The following ENTREP2 variants were observed in gnomAD, a reference collection of about 807,000 sequenced individuals.
ENTREP2 encodes endosomal transmembrane epsin interactor 2, also known as protein ENTREP2.
chr15:29,199,714 C>T, the ENTREP2 span, among the ~76,000 whole-genome samples: 2 of 152,108 alleles, frequency 1.3e-5, no homozygotes, highest in Admixed American at 6.5e-5. Context: ...TCAAAAGGAT[C>T]ATTCATTGAG....
At chr15:29,170,965 G>A in the ENTREP2 span, among the ~76,000 whole-genome samples, 1 of 152,220 alleles carries the variant, frequency 6.6e-6, no homozygotes, top group East Asian at 1.9e-4. Context: ...CATGGGGCCA[G>A]CATCTGGTGG....
the ENTREP2 span, among the ~76,000 whole-genome samples, chr15:29,552,688 AATT>A: frequency 6.6e-6 from 1 of 152,134 alleles, no homozygotes; most frequent in East Asian, 1.9e-4. Context: ...AGATGAGAGA[AATT>A]ATTATTATTA....
At chr15:29,378,042 T>G in the ENTREP2 span, among the ~76,000 whole-genome samples, 1 of 151,560 alleles carries the variant, frequency 6.6e-6, no homozygotes, top group Non-Finnish European at 1.5e-5. Flanking sequence ...TGATACCTAA[T>G]TAGAGAAGAA....
the ENTREP2 span, chr15:29,570,872 G>T: frequency 5.8e-6 from 1 of 171,140 alleles, no homozygotes; most frequent in Non-Finnish European, 1.1e-5. Flanking sequence ...CGCGCCGGGA[G>T]CGGGCCGGGC....
At chr15:29,454,507 C>A in the ENTREP2 span, among the ~76,000 whole-genome samples, 3 of 152,366 alleles carry the variant, frequency 2.0e-5, 1 homozygote, top group South Asian at 6.2e-4. Context: ...AGCTCCCCCA[C>A]TCACTATCTC....
At chr15:29,269,519 G>T in the ENTREP2 span, 21 of 1,576,806 alleles carry the variant, frequency 1.3e-5, no homozygotes, top group Non-Finnish European at 1.7e-5. Context: ...TGAGGCGAGG[G>T]GCCCTGCGAC....
chr15:29,665,764 C>CAAAA, the ENTREP2 span, among the ~76,000 whole-genome samples: 1,386 of 151,672 alleles, frequency 9.1e-3, 33 homozygotes, highest in African/African-American at 0.031. Context: ...TTTAGAGGAC[C>CAAAA]TGTTTTGAAG....
At chr15:29,534,129 A>G in the ENTREP2 span, among the ~76,000 whole-genome samples, 1 of 150,228 alleles carries the variant, frequency 6.7e-6, no homozygotes, top group Non-Finnish European at 1.5e-5. Flanking sequence ...AAAAAAAAAA[A>G]AAAAAAAAGA....
the ENTREP2 span, among the ~76,000 whole-genome samples, chr15:29,476,421 A>C: frequency 6.6e-6 from 1 of 152,210 alleles, no homozygotes; most frequent in Non-Finnish European, 1.5e-5. Flanking sequence ...TGGGAGGAGA[A>C]AATGACGTTA....
At chr15:29,231,885 C>CTTTTTTTTTTTTTTTTTTT in the ENTREP2 span, among the ~76,000 whole-genome samples, 5 of 129,982 alleles carry the variant, frequency 3.8e-5, no homozygotes, top group Non-Finnish European at 6.3e-5. Context: ...GTTTTCTTTT[C>CTTTTTTTTTTTTTTTTTTT]TTTTCTTTCT....
chr15:29,199,605 T>C, the ENTREP2 span, among the ~76,000 whole-genome samples: 1 of 152,202 alleles, frequency 6.6e-6, no homozygotes, highest in South Asian at 2.1e-4. Context: ...TAAAACAATT[T>C]TAACTCAGCA....
the ENTREP2 span, among the ~76,000 whole-genome samples, chr15:29,577,941 G>C: frequency 1.3e-5 from 2 of 152,158 alleles, no homozygotes; most frequent in African/African-American, 4.8e-5. Flanking sequence ...GGTGGGAATG[G>C]GGAGTTAGTG....
chr15:29,207,749 CCTTA>C, the ENTREP2 span, among the ~76,000 whole-genome samples: 197 of 152,320 alleles, frequency 1.3e-3, no homozygotes, highest in African/African-American at 4.3e-3. Flanking sequence ...CCTCTCTCTT[CCTTA>C]CTCCAGAGCA....
chr15:29,326,268 A>G, the ENTREP2 span, among the ~76,000 whole-genome samples: 2 of 152,200 alleles, frequency 1.3e-5, no homozygotes, highest in Admixed American at 1.3e-4. Context: ...ACATAGATTG[A>G]AAAGTCAGAA....
At chr15:29,204,331 A>G in the ENTREP2 span, among the ~76,000 whole-genome samples, 1 of 152,172 alleles carries the variant, frequency 6.6e-6, no homozygotes, top group Non-Finnish European at 1.5e-5. Context: ...TGCCCCCACG[A>G]TTCTCTTACA....
At chr15:29,656,226 G>A in the ENTREP2 span, among the ~76,000 whole-genome samples, 3 of 150,218 alleles carry the variant, frequency 2.0e-5, no homozygotes, top group South Asian at 2.1e-4. Context: ...AAATGTTAAC[G>A]GAATTTTTTT....
At chr15:29,403,526 C>A in the ENTREP2 span, among the ~76,000 whole-genome samples, 1 of 152,118 alleles carries the variant, frequency 6.6e-6, no homozygotes, top group African/African-American at 2.4e-5. Flanking sequence ...ATTATGCAAG[C>A]AAATTCACAG....
At chr15:29,548,298 C>A in the ENTREP2 span, among the ~76,000 whole-genome samples, 66,863 of 151,282 alleles carry the variant, frequency 0.44, 15,739 homozygotes, top group African/African-American at 0.62. Context: ...TACTAAAAAA[C>A]TACAAAAAAT....
chr15:29,392,842 T>A, the ENTREP2 span, among the ~76,000 whole-genome samples: 8 of 152,224 alleles, frequency 5.3e-5, no homozygotes, highest in African/African-American at 1.9e-4. Flanking sequence ...TTCTTCCACA[T>A]ATTCCCCACA....
Sources: gnomAD v4.1 joint callset for allele counts (sites outside exome capture counted in the v4.1 genomes callset) on GRCh38, gnomAD v4.1.1 for gene constraint, MANE v1.5 for transcripts, NCBI Gene and HGNC (gene_info 2026-07-23, HGNC 2026-07-21) for gene names.